CAPN8: variants seen among roughly 807,000 people sequenced by gnomAD.
CAPN8 encodes calpain 8.
CAPN8 carries 87 observed loss-of-function variants against 80.9 expected under a neutral mutation model. The ratio of observed to expected loss-of-function variants is 1.07; its 90% confidence interval spans 0.90 to 1.28. The LOEUF is 1.28. Ranked by LOEUF, CAPN8 falls within the 50% of genes most tolerant of loss-of-function variation. CAPN8 has a pLI of 0.00. For synonymous variants in CAPN8, 299 were observed against 273.8 expected, an observed-to-expected ratio of 1.09 and a Z score of -0.91; for missense variants, 757 against 702.0, an observed-to-expected ratio of 1.08 and a Z score of -0.89.
chr1:223,618,551 C>T (rs998334010), intron 9 of CAPN8, among the ~76,000 whole-genome samples: 4 of 152,228 alleles, frequency 2.6e-5, no homozygotes, highest in Non-Finnish European at 5.9e-5. Context: ...TACCCGTGTT[C>T]CCCTAGCGCA....
chr1:223,627,148 A>G lies in CAPN8; in HGVS notation c.570T>C (p.Gly190=). Residue 190 remains glycine, a synonymous_variant, in exon 5 of 21, where the codon GGT becomes GGC. Transcript: ENST00000366872. Reference sequence around the variant, plus strand: ...AACCTCCAGCGAGAGCCTCATAACAACCATTAAGCCTATTGGAAAAGAAAG... The same window carrying G: ...AACCTCCAGCGAGAGCCTCATAACAGCCATTAAGCCTATTGGAAAAGAAAG... ...LLEKAYAKLN[G]CYEALAGGST... 1 of 1,552,356 alleles carries G rather than the reference A, an allele frequency of 6.4e-7. No individual in the cohort carries two copies. The highest frequency in any genetic ancestry group is 8.7e-7 in the Non-Finnish European group (1 of 1,147,124).
At chr1:223,664,870 G>T (rs1658743341) in intron 1 of CAPN8, among the ~76,000 whole-genome samples, 1 of 152,176 alleles carries the variant, frequency 6.6e-6, no homozygotes, top group African/African-American at 2.4e-5. Flanking sequence ...GCCCAGGAAG[G>T]TTGAGGTTGC....
chr1:223,657,122 C>G (rs1658515788), intron 1 of CAPN8, among the ~76,000 whole-genome samples: 1 of 152,094 alleles, frequency 6.6e-6, no homozygotes. Flanking sequence ...TAAAGGTTCT[C>G]TAGTGATGGA....
intron 2 of CAPN8, among the ~76,000 whole-genome samples, chr1:223,632,125 G>C (rs2102718111): frequency 6.6e-6 from 1 of 152,332 alleles, no homozygotes; most frequent in South Asian, 2.1e-4. Flanking sequence ...GGTCTACCCA[G>C]CTCTTGCAAG....
At chr1:223,543,251 T>A (rs764088997) in intron 19 of CAPN8, 85 bp from the exon 20 acceptor site, 811 of 1,458,764 alleles carry the variant, frequency 5.6e-4, no homozygotes, top group Non-Finnish European at 7.0e-4. Context: ...GTCTACCCCA[T>A]CCCCACCTGC....
At chr1:223,624,750 T>G (rs1210227821) in intron 6 of CAPN8, among the ~76,000 whole-genome samples, 1 of 150,684 alleles carries the variant, frequency 6.6e-6, no homozygotes, top group Non-Finnish European at 1.5e-5. Context: ...AATAAAATCA[T>G]TGTAAGCCAC....
intron 2 of CAPN8, among the ~76,000 whole-genome samples, chr1:223,651,264 C>T (rs1019426031): frequency 2.0e-5 from 3 of 152,100 alleles, no homozygotes; most frequent in South Asian, 2.1e-4. Context: ...GGAGGGCTTT[C>T]GTTTGAGGGC....
intron 9 of CAPN8, 38 bp downstream of exon 9, chr1:223,619,255 G>A (rs1253263781): frequency 6.5e-7 from 1 of 1,549,284 alleles, no homozygotes. Flanking sequence ...GGGAGGATAA[G>A]CTGGAGGAGG....
chr1:223,616,246 C>CAGTTTGGATGG, intron 9 of CAPN8, 101 bp from the exon 10 acceptor site: 2 of 1,301,880 alleles, frequency 1.5e-6, no homozygotes, highest in Non-Finnish European at 2.1e-6. Flanking sequence ...AATGAATGCA[C>CAGTTTGGATGG]AGCTCCATCC....
At chr1:223,642,450 G>A (rs1309140811) in intron 2 of CAPN8, among the ~76,000 whole-genome samples, 8 of 152,108 alleles carry the variant, frequency 5.3e-5, no homozygotes, top group East Asian at 1.9e-4. Context: ...TTCCCATGAC[G>A]ACCCAGAAGG....
chr1:223,644,723 G>A (rs111741498), intron 2 of CAPN8, among the ~76,000 whole-genome samples: 20 of 152,268 alleles, frequency 1.3e-4, no homozygotes, highest in African/African-American at 4.8e-4. Context: ...CATCCAGCTC[G>A]AGCTAGGTGA....
chr1:223,651,795 C>T (rs1658349096), intron 2 of CAPN8, among the ~76,000 whole-genome samples: 1 of 152,176 alleles, frequency 6.6e-6, no homozygotes, highest in Non-Finnish European at 1.5e-5. Flanking sequence ...TGGAAAGATC[C>T]CCCAAATACT....
chr1:223,635,518 T>C (rs1401331181), intron 2 of CAPN8, among the ~76,000 whole-genome samples: 5 of 152,272 alleles, frequency 3.3e-5, no homozygotes, highest in Admixed American at 1.3e-4. Flanking sequence ...ACAGTGGGCC[T>C]GGTGGTTCTC....
chr1:223,626,515 A>T (rs899152554), intron 5 of CAPN8, among the ~76,000 whole-genome samples: 1 of 152,110 alleles, frequency 6.6e-6, no homozygotes, highest in African/African-American at 2.4e-5. Context: ...CTGTTTCCAC[A>T]GCCACCTTGG....
chr1:223,627,881 G>A (rs561702841), intron 4 of CAPN8, 128 bp downstream of exon 4: 9 of 1,096,626 alleles, frequency 8.2e-6, no homozygotes, highest in Non-Finnish European at 1.0e-5. Flanking sequence ...CCGGCTCATG[G>A]GGGTCTGGAT....
At chr1:223,610,491 G>T (rs1344693457) in intron 11 of CAPN8, among the ~76,000 whole-genome samples, 2 of 152,196 alleles carry the variant, frequency 1.3e-5, no homozygotes, top group Non-Finnish European at 2.9e-5. Context: ...ATGAGTTAAA[G>T]GTCATTCTTG....
At chr1:223,630,073 G>A (rs68037872) in intron 2 of CAPN8, among the ~76,000 whole-genome samples, 35,070 of 152,010 alleles carry the variant, frequency 0.23, 4,382 homozygotes, top group African/African-American at 0.32. Context: ...CAGAAAACCT[G>A]TTGCCTGAGC....
At chr1:223,620,053 G>A (rs938822463) in intron 8 of CAPN8, 139 bp downstream of exon 8, 2 of 742,644 alleles carry the variant, frequency 2.7e-6, no homozygotes, top group Non-Finnish European at 4.6e-6. Context: ...ATTATACCAG[G>A]ACAAAAGGAG....
chr1:223,620,219 T>A lies in CAPN8; in HGVS notation c.947A>T (p.Asp316Val). ...GAATTCTCCATCCTCAACTTTCTTG[T>A]CCAGTTCTTCCTTCCGCCGGGGGTC... ...HIDPRRKEEL[D>V]KKVEDGEFWM... Residue 316 changes from aspartate to valine, a missense_variant, in exon 8 of 21, where the codon GAC becomes GTC. Transcript: ENST00000366872. 1 of 1,551,668 alleles carries A rather than the reference T, an allele frequency of 6.4e-7. No individual in the cohort carries two copies. The highest frequency in any genetic ancestry group is 1.2e-5 in the South Asian group (1 of 84,056).
Sources: gnomAD v4.1 joint callset for allele counts (sites outside exome capture counted in the v4.1 genomes callset) on GRCh38, gnomAD v4.1.1 for gene constraint, MANE v1.5 for transcripts, NCBI Gene and HGNC (gene_info 2026-07-23, HGNC 2026-07-21) for gene names.